Variants in ST6GAL1 observed in about 807,000 individuals in gnomAD.
ST6GAL1 encodes the protein ST6 beta-galactoside alpha-2,6-sialyltransferase 1, also known as beta-galactoside alpha-2,6-sialyltransferase 1.
A neutral mutation model predicts 38.0 loss-of-function variants in ST6GAL1; 20 were observed. The ratio of observed to expected loss-of-function variants is 0.53; its 90% confidence interval spans 0.37 to 0.77. The LOEUF (loss-of-function observed/expected upper bound fraction) is 0.77. Ranked by LOEUF, ST6GAL1 falls within the 30% of genes least tolerant of loss-of-function variation. ST6GAL1 has a pLI of 0.00. For synonymous variants in ST6GAL1, 196 were observed against 188.2 expected (o/e 1.04, Z -0.34); for missense variants, 432 against 496.4 (o/e 0.87, Z 1.23).
chr3:186,947,471 C>G (rs957337120), intron 1 of ST6GAL1, among the ~76,000 whole-genome samples: 1 of 151,960 alleles, frequency 6.6e-6, no homozygotes, highest in Non-Finnish European at 1.5e-5. Flanking sequence ...AATCAGCCAC[C>G]TTTATGAAAC....
intron 2 of ST6GAL1, among the ~76,000 whole-genome samples, chr3:187,018,652 C>T (rs150933392): frequency 0.017 from 2,581 of 152,242 alleles, 68 homozygotes; most frequent in African/African-American, 0.058. Context: ...TGGTGCCCAC[C>T]CAGATTAAGG....
At chr3:186,989,548 G>T (rs1716079976) in intron 2 of ST6GAL1, among the ~76,000 whole-genome samples, 1 of 152,298 alleles carries the variant, frequency 6.6e-6, no homozygotes, top group Admixed American at 6.5e-5. Context: ...CTGTGATGGT[G>T]TGTTGCTAGA....
intron 2 of ST6GAL1, among the ~76,000 whole-genome samples, chr3:186,980,189 A>G (rs780153675): frequency 2.6e-5 from 4 of 152,152 alleles, no homozygotes; most frequent in Non-Finnish European, 4.4e-5. Context: ...GACTCTTGTT[A>G]AAAGAGCAAT....
rs1266895926 is a variant in ST6GAL1 at position 187,066,603 on chromosome 3, T to TGC, written c.706-6245_706-6244insCG. 2.4e-3 allele frequency among the ~76,000 whole-genome samples: 188 copies of TGC among 79,708 alleles called. 2 individuals carry two copies. The highest frequency in any genetic ancestry group is 0.011 in the African/African-American group (158 of 13,754). 52.3% of individuals were successfully genotyped at this position (79,708 alleles called of 152,430 possible). ...ATATCTGAAGATGTGCGTGCGTGCG[T>TGC]GTGTGTGTGTGTGTGTGTGTGTGTG... On this transcript the variant is annotated intron_variant, in intron 5 of 7. Transcript: ENST00000169298.
At chr3:186,996,767 C>T (rs754666370) in intron 2 of ST6GAL1, 2 of 152,184 alleles carry the variant, frequency 1.3e-5, no homozygotes. Context: ...ATTCCAGGCT[C>T]ATGCACACCT....
chr3:187,066,691 G>A (rs1318074431), intron 5 of ST6GAL1, among the ~76,000 whole-genome samples: 1 of 151,752 alleles, frequency 6.6e-6, no homozygotes, highest in African/African-American at 2.4e-5. Context: ...TAACTGAGAA[G>A]GTTACTTTAA....
chr3:187,013,908 G>A (rs1290303112), intron 2 of ST6GAL1, among the ~76,000 whole-genome samples: 1 of 152,152 alleles, frequency 6.6e-6, no homozygotes, highest in East Asian at 1.9e-4. Flanking sequence ...TTGTTGAGAT[G>A]AACATCAAGG....
chr3:187,049,800 A>C (rs1027312604), intron 4 of ST6GAL1, among the ~76,000 whole-genome samples: 1 of 152,232 alleles, frequency 6.6e-6, no homozygotes, highest in Non-Finnish European at 1.5e-5. Context: ...GACTAACTGA[A>C]GTTTCTGATG....
chr3:187,023,680 A>G (rs775946958), intron 2 of ST6GAL1, among the ~76,000 whole-genome samples: 4 of 152,288 alleles, frequency 2.6e-5, no homozygotes, highest in Non-Finnish European at 5.9e-5. Context: ...GTGGGAATTG[A>G]ACAGTGAGAA....
Position 187,076,550 on chromosome 3 carries a change from G to T in ST6GAL1, c.*747G>T. The T allele has an allele frequency of 3.1e-6, 1 of 322,318 alleles. No individual in the cohort carries two copies. The allele number at this position is 322,318 out of a possible 1,614,324, so 20.0% of individuals were successfully genotyped here. A position where few individuals can be genotyped will look rare whatever the true frequency, so the allele number is the denominator to read the frequency against. ...AGGATTCAGTGTGCTCAGTGCACTG[G>T]GGATTTGGAGAGAGATGGGCTTGCT... is the stretch of plus-strand genomic sequence containing the variant. On this transcript the variant is annotated 3_prime_UTR_variant, in exon 8 of 8. Coordinates refer to ENST00000169298, the MANE Select transcript of ST6GAL1 (RefSeq NM_173216.2).
rs1250366780 is a variant in ST6GAL1, at chr3:187,077,579, G to A, written c.*1776G>A. The A allele has an allele frequency of 6.6e-6, 1 of 152,294 alleles. No individual in the cohort carries two copies. The highest frequency in any genetic ancestry group is 1.5e-5 in the Non-Finnish European group (1 of 68,118). The allele number at this position is 152,294 out of a possible 1,614,324, so 9.4% of individuals were successfully genotyped here. ...CCTACTGACTAGCTGTGCCACTCTG[G>A]GCAAATGCTCTTCCTTGAGCCTGTT... On this transcript the variant is annotated 3_prime_UTR_variant, in exon 8 of 8. Coordinates refer to ENST00000169298, the MANE Select transcript of ST6GAL1 (RefSeq NM_173216.2).
chr3:187,048,639 C>T (rs1360377465), intron 4 of ST6GAL1, among the ~76,000 whole-genome samples: 1 of 152,328 alleles, frequency 6.6e-6, no homozygotes, highest in African/African-American at 2.4e-5. Flanking sequence ...AATGTAATAT[C>T]TCTGAGGGCA....
At chr3:186,996,690 G>A (rs1336227887) in intron 2 of ST6GAL1, 1 of 152,008 alleles carries the variant, frequency 6.6e-6, no homozygotes, top group African/African-American at 2.4e-5. Flanking sequence ...CTGGTGACAG[G>A]GCTCATCTCA....
intron 1 of ST6GAL1, among the ~76,000 whole-genome samples, chr3:186,935,360 A>G (rs554316167): frequency 6.0e-4 from 86 of 144,078 alleles, no homozygotes; most frequent in African/African-American, 2.0e-3. Flanking sequence ...ATGGCTGCAT[A>G]GTATTCCATA....
At position 186,935,373 on chromosome 3, in the gene ST6GAL1, A is replaced by G. The variant is rs1460009850; in HGVS notation, c.-325+4539A>G. 6.5e-5 allele frequency among the ~76,000 whole-genome samples: 5 copies of G among 76,362 alleles called. No homozygotes were observed. The South Asian group carries it at 1.2e-3, about 19-fold the overall frequency. The allele number at this position is 76,362 out of a possible 152,430, so 50.1% of individuals were successfully genotyped here. ...TTATGGCTGCATAGTATTCCATAGT[A>G]TATATATATATGTACCACATTTTCT... On this transcript the variant is annotated intron_variant, in intron 1 of 7. Coordinates refer to ENST00000169298, the MANE Select transcript of ST6GAL1 (RefSeq NM_173216.2).
At chr3:186,971,816 C>G (rs1368294725) in intron 2 of ST6GAL1, among the ~76,000 whole-genome samples, 3 of 152,208 alleles carry the variant, frequency 2.0e-5, no homozygotes, top group Non-Finnish European at 4.4e-5. Context: ...GCCAACATCT[C>G]TACTTACTGG....
chr3:187,037,128 T>TA (rs1188377727), intron 2 of ST6GAL1, among the ~76,000 whole-genome samples: 1 of 152,216 alleles, frequency 6.6e-6, no homozygotes, highest in Non-Finnish European at 1.5e-5. Flanking sequence ...CAGAAGCTCT[T>TA]AATTCTATGG....
chr3:186,963,356 C>T (rs997476248), intron 1 of ST6GAL1, among the ~76,000 whole-genome samples: 1 of 152,206 alleles, frequency 6.6e-6, no homozygotes, highest in Non-Finnish European at 1.5e-5. Flanking sequence ...TCCCAAGTAG[C>T]TGGGGTTACA....
At chr3:187,039,003 A>G (rs1332881736) in intron 3 of ST6GAL1, 130 bp downstream of exon 3, 1 of 152,070 alleles carries the variant, frequency 6.6e-6, no homozygotes, top group Non-Finnish European at 1.5e-5. Context: ...TTCTTTTTGT[A>G]TGTATTTTTT....
Sources: gnomAD v4.1 joint callset for allele counts (sites outside exome capture counted in the v4.1 genomes callset) on GRCh38, gnomAD v4.1.1 for gene constraint, MANE v1.5 for transcripts, NCBI Gene and HGNC (gene_info 2026-07-23, HGNC 2026-07-21) for gene names.